Variants in LGSN observed in about 807,000 individuals in gnomAD.
LGSN encodes lengsin, lens protein with glutamine synthetase domain.
A neutral mutation model predicts 19.5 loss-of-function variants in LGSN; 21 were observed. The ratio of observed to expected loss-of-function variants is 1.07; its 90% confidence interval spans 0.76 to 1.55. The LOEUF (loss-of-function observed/expected upper bound fraction) is 1.55. LGSN is among the 40% of genes most tolerant of loss of function. LGSN has a pLI of 0.00. For synonymous variants in LGSN, 257 were observed against 215.6 expected (o/e 1.19, Z -1.68); for missense variants, 673 against 608.5 (o/e 1.11, Z -1.12).
At chr6:63,285,159 G>C (rs999028898) in intron 3 of LGSN, among the ~76,000 whole-genome samples, 1 of 152,176 alleles carries the variant, frequency 6.6e-6, no homozygotes, top group Non-Finnish European at 1.5e-5. Flanking sequence ...ATTTGGAGCT[G>C]AAAGGAATAC....
At chr6:63,334,311 A>G in the LGSN span, among the ~76,000 whole-genome samples, 1 of 152,224 alleles carries the variant, frequency 6.6e-6, no homozygotes, top group Non-Finnish European at 1.5e-5. Context: ...CAGCATTTCT[A>G]TACACCAATC....
chr6:63,381,604 T>C, the LGSN span, among the ~76,000 whole-genome samples: 1 of 152,244 alleles, frequency 6.6e-6, no homozygotes, highest in Non-Finnish European at 1.5e-5. Context: ...TTATTGTTTC[T>C]GAAAGACCAT....
chr6:63,501,352 A>T, the LGSN span, among the ~76,000 whole-genome samples: 1 of 135,256 alleles, frequency 7.4e-6, no homozygotes, highest in Non-Finnish European at 1.5e-5. Flanking sequence ...ACAAGAACAA[A>T]ACTTCGTCTC....
the LGSN span, among the ~76,000 whole-genome samples, chr6:63,525,443 C>T: frequency 6.6e-6 from 1 of 152,240 alleles, no homozygotes; most frequent in Admixed American, 6.5e-5. Context: ...TATCACCTAG[C>T]TGTGGTTCTT....
At chr6:63,537,101 G>A in the LGSN span, among the ~76,000 whole-genome samples, 1 of 151,984 alleles carries the variant, frequency 6.6e-6, no homozygotes, top group Non-Finnish European at 1.5e-5. Flanking sequence ...AGTGAAAGGG[G>A]CTTCCATGGA....
At chr6:63,415,511 G>T in the LGSN span, among the ~76,000 whole-genome samples, 2 of 152,198 alleles carry the variant, frequency 1.3e-5, no homozygotes, top group Admixed American at 1.3e-4. Flanking sequence ...AGGGGAAAGA[G>T]CCCCTGACAA....
the LGSN span, among the ~76,000 whole-genome samples, chr6:63,331,840 C>A: frequency 6.6e-6 from 1 of 152,030 alleles, no homozygotes. Flanking sequence ...GAGGACTGAC[C>A]AAGAAAAATC....
the LGSN span, among the ~76,000 whole-genome samples, chr6:63,444,152 G>A: frequency 6.6e-6 from 1 of 152,028 alleles, no homozygotes; most frequent in East Asian, 1.9e-4. Flanking sequence ...ACCAGGCACT[G>A]TCTGAGAGCT....
At chr6:63,560,283 A>G in the LGSN span, among the ~76,000 whole-genome samples, 1 of 143,518 alleles carries the variant, frequency 7.0e-6, no homozygotes, top group African/African-American at 2.6e-5. Flanking sequence ...GGTTAAAGTG[A>G]GCTGAGATCA....
intron 3 of LGSN, among the ~76,000 whole-genome samples, chr6:63,283,973 T>A (rs1327531580): frequency 1.3e-5 from 2 of 152,224 alleles, no homozygotes; most frequent in Non-Finnish European, 2.9e-5. Flanking sequence ...GTGCTGGGAT[T>A]ACAGGCATGA....
At chr6:63,441,365 C>CAACA in the LGSN span, 4 of 472,422 alleles carry the variant, frequency 8.5e-6, no homozygotes, top group Admixed American at 9.6e-5. Flanking sequence ...ACAGGCTGGT[C>CAACA]ACCTTGTCGT....
At chr6:63,450,679 G>GTT in the LGSN span, among the ~76,000 whole-genome samples, 3 of 144,966 alleles carry the variant, frequency 2.1e-5, no homozygotes, top group Non-Finnish European at 1.5e-5. Context: ...GATTATAATG[G>GTT]TTTTTTTTTT....
At chr6:63,421,032 C>G in the LGSN span, among the ~76,000 whole-genome samples, 1 of 139,440 alleles carries the variant, frequency 7.2e-6, no homozygotes, top group South Asian at 2.5e-4. Context: ...CAGAATGTGG[C>G]TTGGTGAGTC....
At chr6:63,288,190 G>A (rs569818229) in intron 2 of LGSN, among the ~76,000 whole-genome samples, 48 of 151,470 alleles carry the variant, frequency 3.2e-4, no homozygotes, top group African/African-American at 1.1e-3. Context: ...TGGTGCCATT[G>A]TACTCCAGCC....
chr6:63,505,500 C>T, the LGSN span, among the ~76,000 whole-genome samples: 1 of 146,774 alleles, frequency 6.8e-6, no homozygotes, highest in Admixed American at 6.9e-5. Flanking sequence ...ATTTCTTGAA[C>T]CCAGGAGGTG....
chr6:63,331,044 C>T, the LGSN span, among the ~76,000 whole-genome samples: 8 of 152,152 alleles, frequency 5.3e-5, no homozygotes, highest in Non-Finnish European at 8.8e-5. Context: ...TTCCCCTCCC[C>T]CTACAGCTTA....
chr6:63,471,027 G>A, the LGSN span, among the ~76,000 whole-genome samples: 94 of 135,620 alleles, frequency 6.9e-4, no homozygotes, highest in African/African-American at 2.4e-3. Flanking sequence ...TGCAACTTCC[G>A]CCTCCCAGGT....
the LGSN span, among the ~76,000 whole-genome samples, chr6:63,400,054 T>G: frequency 2.6e-5 from 4 of 152,298 alleles, no homozygotes; most frequent in East Asian, 5.8e-4. Flanking sequence ...TGATATAGAC[T>G]TCAAATTTAT....
intron 1 of LGSN, among the ~76,000 whole-genome samples, chr6:63,302,202 T>C (rs187242843): frequency 7.9e-5 from 12 of 152,330 alleles, no homozygotes; most frequent in Non-Finnish European, 1.8e-4. Context: ...CTCCTAATAT[T>C]CTGATATGTC....
Sources: gnomAD v4.1 joint callset for allele counts (sites outside exome capture counted in the v4.1 genomes callset) on GRCh38, gnomAD v4.1.1 for gene constraint, MANE v1.5 for transcripts, NCBI Gene and HGNC (gene_info 2026-07-23, HGNC 2026-07-21) for gene names.